DDX54: variants seen among roughly 807,000 people sequenced by gnomAD.
The protein encoded by DDX54 is ATP-dependent RNA helicase DDX54.
DDX54 carries 67 observed loss-of-function variants against 105.5 expected under a neutral mutation model. That is an observed-to-expected ratio of 0.64 (90% CI 0.52 to 0.78). The LOEUF (loss-of-function observed/expected upper bound fraction) is 0.78, where lower values mean the gene tolerates loss of function less well. Among genes scored for constraint, DDX54 ranks in the 30% least tolerant of loss-of-function variants. The pLI is 0.00. For synonymous variants in DDX54, 514 were observed against 509.9 expected (o/e 1.01, Z -0.11); for missense variants, 1,206 against 1,230.5 (o/e 0.98, Z 0.30).
chr12:113,169,699 C>T, intron 12 of DDX54, 71 bp downstream of exon 12: 1 of 1,553,062 alleles, frequency 6.4e-7, no homozygotes, highest in South Asian at 1.2e-5. Context: ...CCCAGCCCTA[C>T]CTCCTCCCAC....
rs538491687 is a variant in DDX54 at position 113,185,195 on chromosome 12, C to G, written c.174+83G>C. On this transcript the variant is annotated intron_variant, in intron 1 of 19. Coordinates refer to ENST00000306014, the MANE Select transcript of DDX54 (RefSeq NM_024072.4). The stretch of plus-strand genomic sequence containing the variant: ...CCCCACACTCTGCGGAGCCCAATCC[C>G]CAGCTGGGGAAACTGAGGCCTCGAG... 612 of 1,413,044 alleles carry G rather than the reference C, an allele frequency of 4.3e-4. 11 individuals are homozygous for G. In the South Asian group the frequency reaches 8.6e-3, roughly 20 times the overall value. 87.5% of individuals were successfully genotyped at this position (1,413,044 alleles called of 1,614,324 possible).
chr12:113,166,233 G>A (rs924286047), intron 12 of DDX54, among the ~76,000 whole-genome samples: 3 of 152,172 alleles, frequency 2.0e-5, no homozygotes, highest in African/African-American at 4.8e-5. Flanking sequence ...AACAAACTGC[G>A]GCCGGCCGGC....
intron 12 of DDX54, among the ~76,000 whole-genome samples, chr12:113,166,276 G>A (rs61941436): frequency 0.05 from 7,588 of 152,260 alleles, 273 homozygotes; most frequent in Middle Eastern, 0.068. Context: ...ATAGCTCTAC[G>A]GGAGCACAGC....
At chr12:113,165,748 T>C in intron 13 of DDX54, 31 bp from the exon 14 acceptor site, 1 of 1,609,090 alleles carries the variant, frequency 6.2e-7, no homozygotes, top group East Asian at 2.2e-5. Context: ...TGTGAGGCTG[T>C]GGGTGGGGTC....
chr12:113,182,175 GCA>G (rs1952475668), intron 1 of DDX54, among the ~76,000 whole-genome samples: 1 of 152,066 alleles, frequency 6.6e-6, no homozygotes, highest in South Asian at 2.1e-4. Flanking sequence ...GAAAACTGAG[GCA>G]CAGAGATACA....
chr12:113,166,785 A>G (rs1338522937), intron 12 of DDX54, among the ~76,000 whole-genome samples: 1 of 152,208 alleles, frequency 6.6e-6, no homozygotes, highest in Non-Finnish European at 1.5e-5. Context: ...TTCCACAGCA[A>G]CCCTGTTCTA....
rs1234928891 is a variant in DDX54, at chr12:113,164,230, G to A, written c.1775C>T (p.Ala592Val). The A allele has an allele frequency of 1.3e-6, 2 of 1,593,428 alleles. No individual in the cohort carries two copies. The highest frequency in any genetic ancestry group is 1.1e-5 in the South Asian group (1 of 88,012). Reference protein sequence around the residue: ...SRDLCSQVMRAKRQKDRKAIA... With the variant: ...SRDLCSQVMRVKRQKDRKAIA... Reference sequence around the variant, plus strand: ...GGCCTTGCGGTCCTTCTGCCGCTTGGCGCGCATCACCTGGCTGCACAGGTC... The same window carrying A: ...GGCCTTGCGGTCCTTCTGCCGCTTGACGCGCATCACCTGGCTGCACAGGTC... Residue 592 changes from alanine to valine, a missense_variant, in exon 15 of 20, where the codon GCC (alanine) becomes GTC (valine). Transcript: ENST00000306014.
intron 1 of DDX54, 123 bp downstream of exon 1, chr12:113,185,155 G>C: frequency 1.6e-6 from 2 of 1,267,706 alleles, no homozygotes; most frequent in Non-Finnish European, 2.1e-6. Context: ...CGGTCCTCGG[G>C]TCGGCAGCCT....
At chr12:113,166,342 G>C (rs1952275667) in intron 12 of DDX54, among the ~76,000 whole-genome samples, 1 of 152,032 alleles carries the variant, frequency 6.6e-6, no homozygotes, top group African/African-American at 2.4e-5. Flanking sequence ...GGCCAGGGTT[G>C]AAGAGCCACC....
rs764780033 is a variant in DDX54, at chr12:113,161,255, C to CA, written c.2413+14dup. On this transcript the variant is annotated intron_variant, in intron 19 of 19. Transcript: ENST00000306014. The stretch of plus-strand genomic sequence containing the variant: ...TGCCTACCTGTGCACCCACACTCCC[C>CA]ACCCTGGCTCTCACCTTGGCCACGG... 6.2e-7 allele frequency: 1 copy of CA among 1,603,020 alleles called. No individual in the cohort carries two copies. Among genetic ancestry groups the CA allele is most frequent in the South Asian group, 1.1e-5 (1 of 89,638 alleles).
chr12:113,162,092 C>T, intron 17 of DDX54, 95 bp from the exon 18 acceptor site: 1 of 1,190,474 alleles, frequency 8.4e-7, no homozygotes, highest in Non-Finnish European at 1.2e-6. Context: ...ACCCTCTTGT[C>T]AGGTTGTTGG....
intron 19 of DDX54, among the ~76,000 whole-genome samples, chr12:113,160,995 C>T (rs1952196953): frequency 1.3e-5 from 2 of 148,840 alleles, no homozygotes; most frequent in South Asian, 4.3e-4. Context: ...GGAAGGGGGT[C>T]GGGGACAAGG....
At chr12:113,170,164 T>C (rs1952320483) in intron 11 of DDX54, among the ~76,000 whole-genome samples, 1 of 152,230 alleles carries the variant, frequency 6.6e-6, no homozygotes, top group Admixed American at 6.5e-5. Flanking sequence ...AACTCTTCAG[T>C]GTCCCCACTT....
chr12:113,182,027 A>C lies in DDX54; in HGVS notation c.175-969T>G, dbSNP rs373525838. Among the ~76,000 whole-genome samples the C allele has an allele frequency of 7.2e-5, 11 of 152,310 alleles. No homozygotes were observed. In the South Asian group the frequency reaches 1.7e-3, roughly 23 times the overall value. On this transcript the variant is annotated intron_variant, in intron 1 of 19. Coordinates refer to ENST00000306014, the MANE Select transcript of DDX54 (RefSeq NM_024072.4). ...AAAAAAAAGCATTTACGGAGCAGCA[A>C]TTCATAAGAGTGGCTGAAACTTACA...
intron 7 of DDX54, among the ~76,000 whole-genome samples, chr12:113,175,950 C>A (rs1000669216): frequency 1.3e-5 from 2 of 152,050 alleles, no homozygotes; most frequent in Non-Finnish European, 2.9e-5. Context: ...AAGACCCTGT[C>A]ACCATCAATC....
At chr12:113,161,462 A>T in intron 18 of DDX54, 80 bp from the exon 19 acceptor site, 1 of 1,157,332 alleles carries the variant, frequency 8.6e-7, no homozygotes, top group Non-Finnish European at 1.2e-6. Flanking sequence ...CAGCAGACAG[A>T]GTTCCGTTAT....
chr12:113,169,855 G>T lies in DDX54; in HGVS notation c.1329C>A (p.Ala443=). ...CCAGCAGGTAGGGGATTTCATCAGG[G>T]GCCACCAAGGAGTAGGCTGTGCCAC... The part of the protein sequence containing the change: ...GRSGTAYSLV[A]PDEIPYLLDL... Residue 443 remains alanine, a synonymous_variant, in exon 12 of 20, where the codon GCC becomes GCA. Transcript: ENST00000306014. The T allele has an allele frequency of 1.2e-6, 2 of 1,613,998 alleles. No individual in the cohort carries two copies. Among genetic ancestry groups the T allele is most frequent in the Non-Finnish European group, 1.7e-6 (2 of 1,180,016 alleles).
At chr12:113,173,767 G>C (rs1952365150) in intron 10 of DDX54, among the ~76,000 whole-genome samples, 1 of 152,170 alleles carries the variant, frequency 6.6e-6, no homozygotes, top group African/African-American at 2.4e-5. Context: ...CGGATGTAAG[G>C]GGAACTAACG....
intron 1 of DDX54, among the ~76,000 whole-genome samples, chr12:113,184,916 C>G (rs1005351353): frequency 6.6e-6 from 1 of 152,214 alleles, no homozygotes; most frequent in Non-Finnish European, 1.5e-5. Context: ...ATTCAACCTC[C>G]CAAGAACGCT....
Sources: gnomAD v4.1 joint callset for allele counts (sites outside exome capture counted in the v4.1 genomes callset) on GRCh38, gnomAD v4.1.1 for gene constraint, MANE v1.5 for transcripts, NCBI Gene and HGNC (gene_info 2026-07-23, HGNC 2026-07-21) for gene names.